TAFA1: variants seen among roughly 807,000 people sequenced by gnomAD.
TAFA1 encodes the protein chemokine-like protein TAFA-1.
TAFA1 carries 4 observed loss-of-function variants against 18.5 expected under a neutral mutation model. That is an observed-to-expected ratio of 0.22 (90% confidence interval 0.11 to 0.49). TAFA1 has a LOEUF of 0.49. TAFA1 is among the 20% of genes least tolerant of loss of function. The pLI is 0.98. For synonymous variants in TAFA1, 56 were observed against 55.2 expected, an observed-to-expected ratio of 1.01 and a Z score of -0.06; for missense variants, 147 against 169.0, an observed-to-expected ratio of 0.87 and a Z score of 0.72.
At chr3:68,047,515 G>T (rs1413554466) in intron 2 of TAFA1, among the ~76,000 whole-genome samples, 1 of 152,046 alleles carries the variant, frequency 6.6e-6, no homozygotes, top group African/African-American at 2.4e-5. Flanking sequence ...GAATTAATGG[G>T]ATCTATTCTT....
chr3:68,152,489 C>A (rs1171584539), intron 2 of TAFA1, among the ~76,000 whole-genome samples: 1 of 152,240 alleles, frequency 6.6e-6, no homozygotes, highest in Middle Eastern at 3.4e-3. Context: ...TCAAAGATGA[C>A]TGAATATACC....
chr3:68,209,591 C>T (rs191193053), intron 2 of TAFA1, among the ~76,000 whole-genome samples: 49 of 152,112 alleles, frequency 3.2e-4, no homozygotes, highest in African/African-American at 1.2e-3. Context: ...TATATGTGTT[C>T]TCAGCAGTTT....
intron 2 of TAFA1, among the ~76,000 whole-genome samples, chr3:68,298,308 G>C (rs1454752880): frequency 1.3e-5 from 2 of 152,136 alleles, no homozygotes; most frequent in Admixed American, 6.5e-5. Flanking sequence ...ACGGAAGTGA[G>C]GGTCCATGTA....
intron 2 of TAFA1, among the ~76,000 whole-genome samples, chr3:68,112,478 TTAATC>T (rs1333022823): frequency 2.0e-5 from 3 of 152,200 alleles, no homozygotes; most frequent in South Asian, 2.1e-4. Flanking sequence ...GATAATTTCT[TTAATC>T]TAATACATTA....
At chr3:68,015,659 G>C (rs1316089741) in intron 2 of TAFA1, among the ~76,000 whole-genome samples, 1 of 152,168 alleles carries the variant, frequency 6.6e-6, no homozygotes, top group Non-Finnish European at 1.5e-5. Context: ...GCATCAAGCA[G>C]CATAGAGATG....
At chr3:68,299,864 G>A (rs1158027673) in intron 2 of TAFA1, among the ~76,000 whole-genome samples, 2 of 152,234 alleles carry the variant, frequency 1.3e-5, no homozygotes, top group Admixed American at 1.3e-4. Flanking sequence ...TGTTGGGCTT[G>A]TAGGTACACA....
chr3:68,227,018 C>A (rs1349275924), intron 2 of TAFA1, among the ~76,000 whole-genome samples: 6 of 152,142 alleles, frequency 3.9e-5, no homozygotes, highest in Admixed American at 1.3e-4. Context: ...TGGCCTCTGT[C>A]CTCTAGAGAA....
At chr3:68,185,463 T>A (rs2066258106) in intron 2 of TAFA1, among the ~76,000 whole-genome samples, 1 of 152,158 alleles carries the variant, frequency 6.6e-6, no homozygotes, top group Non-Finnish European at 1.5e-5. Context: ...CATGGTTTGC[T>A]CCACCAGAGT....
chr3:68,513,487 GT>G (rs1329524954), intron 3 of TAFA1, among the ~76,000 whole-genome samples: 3 of 152,104 alleles, frequency 2.0e-5, no homozygotes, highest in African/African-American at 7.2e-5. Context: ...CATGTGGCTA[GT>G]AGTTATCTTA....
chr3:68,462,290 C>T (rs989683464), intron 3 of TAFA1, among the ~76,000 whole-genome samples: 37 of 152,036 alleles, frequency 2.4e-4, no homozygotes, highest in African/African-American at 6.0e-4. Context: ...TCCTACATGG[C>T]GCGGGATGGA....
At chr3:68,012,336 G>T (rs1264806813) in intron 2 of TAFA1, among the ~76,000 whole-genome samples, 2 of 152,104 alleles carry the variant, frequency 1.3e-5, no homozygotes, top group Admixed American at 1.3e-4. Flanking sequence ...AATTGAAGAG[G>T]AGTTTCATCT....
At chr3:68,062,452 T>C (rs2064616655) in intron 2 of TAFA1, among the ~76,000 whole-genome samples, 1 of 152,204 alleles carries the variant, frequency 6.6e-6, no homozygotes, top group Non-Finnish European at 1.5e-5. Flanking sequence ...GACTAGTTCA[T>C]GACTTCTGGA....
intron 3 of TAFA1, among the ~76,000 whole-genome samples, chr3:68,508,557 CATTA>C (rs879731296): frequency 3.9e-5 from 6 of 152,004 alleles, no homozygotes; most frequent in Non-Finnish European, 8.8e-5. Context: ...ATGAAGTAAC[CATTA>C]ATTCGTTCAA....
At chr3:68,196,201 C>T (rs962154595) in intron 2 of TAFA1, among the ~76,000 whole-genome samples, 12 of 151,830 alleles carry the variant, frequency 7.9e-5, no homozygotes, top group African/African-American at 1.9e-4. Flanking sequence ...CTTCTGTTCA[C>T]GTAACTTGTA....
chr3:68,204,647 G>A (rs1238396695), intron 2 of TAFA1, among the ~76,000 whole-genome samples: 1 of 151,790 alleles, frequency 6.6e-6, no homozygotes, highest in East Asian at 1.9e-4. Flanking sequence ...CCAAAAGAAA[G>A]GAGAGATTAA....
chr3:68,183,107 T>C (rs1033454124), intron 2 of TAFA1, among the ~76,000 whole-genome samples: 1 of 152,162 alleles, frequency 6.6e-6, no homozygotes, highest in Non-Finnish European at 1.5e-5. Context: ...ATCAATAGTA[T>C]ACCTGCCCCA....
chr3:68,533,991 AAC>A (rs2073232132), intron 3 of TAFA1, among the ~76,000 whole-genome samples: 1 of 152,162 alleles, frequency 6.6e-6, no homozygotes, highest in Admixed American at 6.6e-5. Flanking sequence ...TCAGAAAGGC[AAC>A]ACTGTGAAGA....
chr3:68,415,090 G>A (rs2070784198), intron 2 of TAFA1, among the ~76,000 whole-genome samples: 2 of 152,160 alleles, frequency 1.3e-5, no homozygotes, highest in Non-Finnish European at 2.9e-5. Context: ...TGTCGTGCAT[G>A]GGGAGATAGT....
intron 3 of TAFA1, 104 bp from the exon 4 acceptor site, chr3:68,538,652 C>T: frequency 8.8e-7 from 1 of 1,136,962 alleles, no homozygotes; most frequent in Admixed American, 2.0e-5. Flanking sequence ...TTAAAGAGAA[C>T]TTAGTGTGCT....
Sources: allele counts gnomAD v4.1 joint callset (sites outside exome capture counted in the v4.1 genomes callset), GRCh38; gene constraint gnomAD v4.1.1; transcripts MANE v1.5; gene names NCBI Gene and HGNC (gene_info 2026-07-23, HGNC 2026-07-21).